TMEM245: variants seen among roughly 807,000 people sequenced by gnomAD.
TMEM245 encodes the protein protein CG-2.
TMEM245 carries 69 observed loss-of-function variants against 101.2 expected under a neutral mutation model. The ratio of observed to expected loss-of-function variants is 0.68; its 90% CI spans 0.56 to 0.83. The LOEUF (loss-of-function observed/expected upper bound fraction) is 0.83, where lower values mean the gene tolerates loss of function less well. Among genes scored for constraint, TMEM245 ranks in the 40% least tolerant of loss-of-function variants. The pLI, the probability that TMEM245 is intolerant of heterozygous loss-of-function variation, is 0.00. For synonymous variants in TMEM245, 537 were observed against 449.8 expected, an observed-to-expected ratio of 1.19 and a Z score of -2.45; for missense variants, 1,075 against 1,092.8, an observed-to-expected ratio of 0.98 and a Z score of 0.23.
chr9:109,083,925 A>AAAAAAAAAAAAAAAAAAAAAAAAAC (rs1554725114), intron 7 of TMEM245, among the ~76,000 whole-genome samples: 4 of 140,878 alleles, frequency 2.8e-5, no homozygotes, highest in Non-Finnish European at 4.6e-5. Flanking sequence ...AAAAAAAAAA[A>AAAAAAAAAAAAAAAAAAAAAAAAAC]AAAACACCAG....
intron 3 of TMEM245, among the ~76,000 whole-genome samples, chr9:109,105,696 G>A (rs751790596): frequency 8.5e-5 from 13 of 152,168 alleles, no homozygotes; most frequent in Non-Finnish European, 1.8e-4. Context: ...TATATGTACA[G>A]GGTTTCTTTC....
chr9:109,071,417 T>C (rs567668310), intron 9 of TMEM245, among the ~76,000 whole-genome samples: 1 of 151,832 alleles, frequency 6.6e-6, no homozygotes, highest in South Asian at 2.1e-4. Flanking sequence ...AAGACCAGCC[T>C]AGGCAACATG....
chr9:109,050,159 G>A, intron 14 of TMEM245, 124 bp downstream of exon 14: 1 of 1,126,532 alleles, frequency 8.9e-7, no homozygotes, highest in Non-Finnish European at 1.2e-6. Context: ...TGAAAACCTT[G>A]AAAATACCAG....
chr9:109,069,365 T>A (rs75098238), intron 9 of TMEM245, among the ~76,000 whole-genome samples: 93 of 152,150 alleles, frequency 6.1e-4, no homozygotes, highest in African/African-American at 2.0e-3. Context: ...AGGTCTATCA[T>A]CCTATGAAAG....
chr9:109,099,164 A>T (rs940345961), intron 3 of TMEM245, among the ~76,000 whole-genome samples: 2 of 152,210 alleles, frequency 1.3e-5, no homozygotes, highest in African/African-American at 4.8e-5. Context: ...TTCCATTACT[A>T]ATGTGGAAAA....
At chr9:109,074,171 A>G (rs1457877035) in intron 8 of TMEM245, among the ~76,000 whole-genome samples, 1 of 152,162 alleles carries the variant, frequency 6.6e-6, no homozygotes, top group Non-Finnish European at 1.5e-5. Flanking sequence ...GCAACTAAGT[A>G]AGGTTTCTGA....
In TMEM245 at chr9:109,093,543, G is replaced by A. The variant is rs1198034384; in HGVS notation, c.848C>T (p.Ala283Val). The A allele has an allele frequency of 6.2e-7, 1 of 1,613,988 alleles. No individual in the cohort carries two copies. The highest frequency in any genetic ancestry group is 8.5e-7 in the Non-Finnish European group (1 of 1,180,010). The change falls in exon 4 of 18, where the codon GCA (alanine) becomes GTA (valine). Residue 283 changes from alanine (A) to valine (V), a missense_variant. Ala to Val is a moderately conservative substitution (Grantham distance 64, BLOSUM62 0). Around this residue, in one of 2 missense-constraint regions of TMEM245, gnomAD observed 808 missense variants for 741.5 expected, o/e 1.09. Transcript: ENST00000374586. ...CCCTGTGATAGAGATGGCCAAGTTT[G>A]CCAGAGTAGAAGCTGCCATGGAGAT... ...QVISMAASTLANLAISITGYE... is the reference protein window; with the variant it reads ...QVISMAASTLVNLAISITGYE...
rs1827464695 is a variant in TMEM245 at position 109,016,948 on chromosome 9, T to TC, written c.*3511_*3512insG. The stretch of plus-strand genomic sequence containing the variant: ...AAGGGTTTTTGTATTTTGTTTTTTT[T>TC]TCCTATAAACCCTGAGGTTGAAAGC... On this transcript the variant is annotated 3_prime_UTR_variant, in exon 18 of 18. Transcript: ENST00000374586. 6.6e-6 allele frequency: 1 copy of TC among 152,130 alleles called. No individual in the cohort carries two copies. Among genetic ancestry groups the TC allele is most frequent in the African/African-American group, 2.4e-5 (1 of 41,426 alleles). 9.4% of individuals were successfully genotyped at this position (152,130 alleles called of 1,614,324 possible).
intron 17 of TMEM245, among the ~76,000 whole-genome samples, chr9:109,029,704 A>C (rs1460286226): frequency 6.6e-6 from 1 of 152,192 alleles, no homozygotes; most frequent in Non-Finnish European, 1.5e-5. Context: ...TTCCAATGCA[A>C]GGGAGAGTTG....
rs183473311 is a variant in TMEM245 at position 109,022,167 on chromosome 9, A to G, written c.2595-1662T>C. Reference sequence around the variant, plus strand: ...GGGAACAGGTAAAATGTCACAGAAAAGAAATTACCTTTAAGGATGTTCAGT... The same window carrying G: ...GGGAACAGGTAAAATGTCACAGAAAGGAAATTACCTTTAAGGATGTTCAGT... On this transcript the variant is annotated intron_variant, in intron 17 of 17. Transcript: ENST00000374586. 1.9e-3 allele frequency among the ~76,000 whole-genome samples: 292 copies of G among 152,304 alleles called. 1 individual carries two copies. Among genetic ancestry groups the G allele is most frequent in the African/African-American group, 6.4e-3 (267 of 41,576 alleles).
chr9:109,086,371 C>T (rs1322947606), intron 6 of TMEM245, among the ~76,000 whole-genome samples: 1 of 152,178 alleles, frequency 6.6e-6, no homozygotes, highest in Non-Finnish European at 1.5e-5. Flanking sequence ...AAACTCCCGC[C>T]TGTGCTTCAA....
At chr9:109,097,466 G>A (rs1588072687) in intron 3 of TMEM245, among the ~76,000 whole-genome samples, 1 of 152,312 alleles carries the variant, frequency 6.6e-6, no homozygotes, top group East Asian at 1.9e-4. Context: ...AAGCACAGGT[G>A]AGGAAAGAAG....
chr9:109,114,342 T>C (rs962421525), intron 1 of TMEM245, among the ~76,000 whole-genome samples: 18 of 152,240 alleles, frequency 1.2e-4, no homozygotes, highest in African/African-American at 2.9e-4. Context: ...CCTAGAAATG[T>C]GTTTAAAAGT....
intron 6 of TMEM245, among the ~76,000 whole-genome samples, chr9:109,086,368 C>T (rs1020969219): frequency 6.6e-6 from 1 of 152,144 alleles, no homozygotes; most frequent in Non-Finnish European, 1.5e-5. Context: ...AAGAAACTCC[C>T]GCCTGTGCTT....
At chr9:109,078,020 AATTTTAGTATACC>A (rs1168768376) in intron 8 of TMEM245, among the ~76,000 whole-genome samples, 34 of 152,122 alleles carry the variant, frequency 2.2e-4, no homozygotes, top group African/African-American at 7.5e-4. Flanking sequence ...GTGTTCAGCA[AATTTTAGTATACC>A]ATTTTAGTTC....
chr9:109,063,101 G>A (rs1032973675), intron 10 of TMEM245, among the ~76,000 whole-genome samples: 4 of 152,074 alleles, frequency 2.6e-5, no homozygotes, highest in Admixed American at 1.3e-4. Context: ...CATCTAATTT[G>A]AGGTAAACAA....
At chr9:109,109,929 G>C (rs1048600979) in intron 1 of TMEM245, among the ~76,000 whole-genome samples, 1 of 152,158 alleles carries the variant, frequency 6.6e-6, no homozygotes, top group African/African-American at 2.4e-5. Context: ...GTACTAAGAA[G>C]TTAGTGGCTG....
chr9:109,052,597 G>A (rs931993274), intron 12 of TMEM245, among the ~76,000 whole-genome samples: 4 of 152,094 alleles, frequency 2.6e-5, no homozygotes, highest in Non-Finnish European at 4.4e-5. Context: ...AGAGAACTCC[G>A]GCAGGCTGGT....
At chr9:109,074,830 G>A (rs1017974842) in intron 8 of TMEM245, among the ~76,000 whole-genome samples, 6 of 152,060 alleles carry the variant, frequency 3.9e-5, no homozygotes, top group African/African-American at 1.4e-4. Flanking sequence ...CAGAAAAGTA[G>A]GAAGAACACA....
Sources: allele counts gnomAD v4.1 joint callset (sites outside exome capture counted in the v4.1 genomes callset), GRCh38; gene constraint gnomAD v4.1.1; regional missense constraint gnomAD v4.1.1; transcripts MANE v1.5; gene names NCBI Gene and HGNC (gene_info 2026-07-23, HGNC 2026-07-21).